Variants in SNAPC4 observed in about 807,000 individuals in gnomAD.
SNAPC4 encodes the protein snRNA-activating protein complex subunit 4.
Under a neutral mutation model 151.3 loss-of-function variants are expected in SNAPC4, and 127 were observed. That is an observed-to-expected ratio of 0.84 (90% confidence interval 0.73 to 0.97). The LOEUF is 0.97. Among genes scored for constraint, SNAPC4 ranks in the 50% least tolerant of loss-of-function variants. SNAPC4 has a pLI of 0.00. For synonymous variants in SNAPC4, 1,002 were observed against 824.4 expected, an observed-to-expected ratio of 1.22 and a Z score of -3.69; for missense variants, 2,186 against 1,935.0, an observed-to-expected ratio of 1.13 and a Z score of -2.43.
Position 136,394,346 on chromosome 9 carries a change from A to C in SNAPC4, c.551-16T>G. 1 of 1,607,674 alleles carries C rather than the reference A, an allele frequency of 6.2e-7. No individual in the cohort carries two copies. Among genetic ancestry groups the C allele is most frequent in the Non-Finnish European group, 8.5e-7 (1 of 1,174,578 alleles). Reference sequence around the variant, plus strand: ...CAGTTTTTCCCTGAGGAGAAGCCACAGCATCATCACTGGGGGTCTGGATCC... The same window carrying C: ...CAGTTTTTCCCTGAGGAGAAGCCACCGCATCATCACTGGGGGTCTGGATCC... On this transcript the variant is annotated splice_polypyrimidine_tract_variant and intron_variant, in intron 6 of 23. Transcript: ENST00000684778.
intron 10 of SNAPC4, among the ~76,000 whole-genome samples, chr9:136,391,552 CTGAGTCCT>C (rs1402007438): frequency 2.1e-5 from 3 of 143,472 alleles, no homozygotes; most frequent in Non-Finnish European, 4.7e-5. Flanking sequence ...CAGTAAAGAA[CTGAGTCCT>C]TACTCAGGAA....
At chr9:136,386,434 ATTTT>A (rs1022722686) in intron 13 of SNAPC4, among the ~76,000 whole-genome samples, 2 of 128,902 alleles carry the variant, frequency 1.6e-5, no homozygotes, top group South Asian at 2.4e-4. Flanking sequence ...TCTACACTTC[ATTTT>A]TTTTTTTTTT....
chr9:136,381,425 C>T, intron 18 of SNAPC4, 33 bp from the exon 19 acceptor site: 1 of 1,585,364 alleles, frequency 6.3e-7, no homozygotes, highest in African/African-American at 1.3e-5. Flanking sequence ...GGAAAGCAGC[C>T]CCAGCTCCCA....
At chr9:136,384,963 T>C (rs1440651120) in intron 13 of SNAPC4, 149 bp from the exon 14 acceptor site, 26 of 524,538 alleles carry the variant, frequency 5.0e-5, no homozygotes, top group Non-Finnish European at 7.7e-5. Flanking sequence ...CATCAAAAGC[T>C]AAAGCTTTTG....
rs767835205 is a variant in SNAPC4 at position 136,379,151 on chromosome 9, A to G, written c.2676T>C (p.Thr892=). 6.3e-7 allele frequency: 1 copy of G among 1,582,510 alleles called. No homozygotes were observed. The highest frequency in any genetic ancestry group is 1.1e-5 in the South Asian group (1 of 87,686). ...ASTGPRPKPK[T]VSELLQEKRL... ...GCTTCTCCTGAAGCAGCTCCGACAC[A>G]GTCTTGGGCTTGGGCCGGGGGCCGG... Residue 892 remains threonine, a synonymous_variant, in exon 22 of 24, where the codon ACT becomes ACC. Coordinates refer to ENST00000684778, the MANE Select transcript of SNAPC4 (RefSeq NM_003086.4).
rs776508628 is a variant in SNAPC4 at position 136,384,819 on chromosome 9, A to T, written c.1326-5T>A. ...AAATGTAATCTCCTGAGATACCTGAACGTGACATGAAAAGCAAAGAACGTT... is the reference window on the plus strand; with the variant it reads ...AAATGTAATCTCCTGAGATACCTGATCGTGACATGAAAAGCAAAGAACGTT... On this transcript the variant is annotated splice_region_variant and splice_polypyrimidine_tract_variant and intron_variant, in intron 13 of 23. Transcript: ENST00000684778. 7 of 1,544,060 alleles carry T rather than the reference A, an allele frequency of 4.5e-6. No individual in the cohort carries two copies. In the East Asian group the frequency reaches 1.6e-4, roughly 35 times the overall value.
Position 136,379,092 on chromosome 9 carries a change from C to A in SNAPC4, c.2735G>T (p.Arg912Leu). The change falls in exon 22 of 24, where the codon CGG becomes CTG. Residue 912 changes from arginine (R) to leucine (L), a missense_variant. Arg to Leu is a moderately radical substitution (Grantham distance 102, BLOSUM62 -2). Coordinates refer to ENST00000684778, the MANE Select transcript of SNAPC4 (RefSeq NM_003086.4). ...LQEARAREAT[R>L]GPVVLPSQLL... ...CTGGGACGGGAGCACCACCGGGCCC[C>A]GGGTGGCCTCCCTGGCACGGGCCTC... 6.4e-7 allele frequency: 1 copy of A among 1,563,780 alleles called. No homozygotes were observed. Among genetic ancestry groups the A allele is most frequent in the East Asian group, 2.3e-5 (1 of 43,522 alleles).
Position 136,383,629 on chromosome 9 carries a change from G to C in SNAPC4, c.1540C>G (p.His514Asp). ...GLRRRRRRAR[H>D]SVRWSSTSSS... is the part of the protein sequence containing the mutation. ...CTGGTAGAGCTCCACCGGACGCTGT[G>C]ACGGGCCCTCCGCCGCCGCCTCCGG... The change falls in exon 16 of 24, where the codon CAC becomes GAC. Residue 514 changes from histidine to aspartate, a missense_variant. His to Asp is a moderately conservative substitution (Grantham distance 81, BLOSUM62 -1). Coordinates refer to ENST00000684778, the MANE Select transcript of SNAPC4 (RefSeq NM_003086.4). The surrounding 1 kb of genome is among the most constrained non-coding windows in gnomAD (Gnocchi z 4.2). 1.2e-6 allele frequency: 2 copies of C among 1,610,804 alleles called. No individual in the cohort carries two copies. Among genetic ancestry groups the C allele is most frequent in the South Asian group, 1.1e-5 (1 of 90,962 alleles).
At position 136,384,873 on chromosome 9, in the gene SNAPC4, C is replaced by T. The variant is rs958492804; in HGVS notation, c.1326-59G>A. On this transcript the variant is annotated intron_variant, in intron 13 of 23. Coordinates refer to ENST00000684778, the MANE Select transcript of SNAPC4 (RefSeq NM_003086.4). ...GATGCCGAGACGCCGCCCGCTGCTG[C>T]CCCAAGCTTCTTTAATGGTTTCTTG... 100 of 884,714 alleles carry T rather than the reference C, an allele frequency of 1.1e-4. 1 individual carries two copies. The highest frequency in any genetic ancestry group is 1.6e-4 in the Non-Finnish European group (92 of 557,968). 54.8% of individuals were successfully genotyped at this position (884,714 alleles called of 1,614,324 possible).
At chr9:136,387,622 C>A (rs369484205) in intron 12 of SNAPC4, 43 bp from the exon 13 acceptor site, 3 of 1,471,182 alleles carry the variant, frequency 2.0e-6, no homozygotes, top group East Asian at 2.3e-5. Flanking sequence ...TCTGCAGGTA[C>A]GGCTGCAGCC....
chr9:136,381,477 G>A (rs1441711922), intron 18 of SNAPC4, 85 bp from the exon 19 acceptor site: 18 of 1,290,938 alleles, frequency 1.4e-5, no homozygotes, highest in South Asian at 3.6e-5. Context: ...CAGCTCCCAC[G>A]TGCCTTTCGA....
At chr9:136,384,621 C>T in intron 14 of SNAPC4, 99 bp downstream of exon 14, 1 of 637,090 alleles carries the variant, frequency 1.6e-6, no homozygotes, top group Non-Finnish European at 2.6e-6. Context: ...CGCACCCCAG[C>T]CTGGACGACA....
chr9:136,388,487 C>T lies in SNAPC4; in HGVS notation c.1080G>A (p.Leu360=), dbSNP rs371922341. The change falls in exon 11 of 24, where the codon CTG becomes CTA. Residue 360 remains leucine, a synonymous_variant. Coordinates refer to ENST00000684778, the MANE Select transcript of SNAPC4 (RefSeq NM_003086.4). ...GGCTGCCGACGCGCATCTCCTGCACCAGCTGCGTGAGCATGCGGTCCTCCT... is the reference window on the plus strand; with the variant it reads ...GGCTGCCGACGCGCATCTCCTGCACTAGCTGCGTGAGCATGCGGTCCTCCT... ...TEEEDRMLTQ[L]VQEMRVGSHI... 1.9e-6 allele frequency: 3 copies of T among 1,611,980 alleles called. No individual in the cohort carries two copies. The highest frequency in any genetic ancestry group is 1.7e-5 in the Admixed American group (1 of 59,756).
At position 136,378,524 on chromosome 9, in the gene SNAPC4, C is replaced by A; in HGVS notation, c.3303G>T (p.Gly1101=). Residue 1101 remains glycine (G), a synonymous_variant, in exon 22 of 24, where the codon GGG becomes GGT. Coordinates refer to ENST00000684778, the MANE Select transcript of SNAPC4 (RefSeq NM_003086.4). ...PAVVSLPRPA[G]TPGPAGLLAT... is the part of the protein sequence containing the mutation. Reference sequence around the variant, plus strand: ...CCAGCAGCCCTGCGGGGCCAGGGGTCCCTGCTGGCCTGGGAAGGCTCACCA... The same window carrying A: ...CCAGCAGCCCTGCGGGGCCAGGGGTACCTGCTGGCCTGGGAAGGCTCACCA... The A allele has an allele frequency of 1.3e-6, 2 of 1,591,514 alleles. No homozygotes were observed. The highest frequency in any genetic ancestry group is 1.1e-5 in the South Asian group (1 of 89,510).
Position 136,375,755 on chromosome 9 carries a change from C to A in SNAPC4, c.*53G>T. On this transcript the variant is annotated 3_prime_UTR_variant, in exon 24 of 24. Coordinates refer to ENST00000684778, the MANE Select transcript of SNAPC4 (RefSeq NM_003086.4). ...GCCTCTCTTGCAGGCTGGGGGTGGG[C>A]TGTCTCTCGTCAGCAGGGCCACGGG... 6.6e-6 allele frequency: 1 copy of A among 152,332 alleles called. No homozygotes were observed. The highest frequency in any genetic ancestry group is 1.5e-5 in the Non-Finnish European group (1 of 68,084). 9.4% of individuals were successfully genotyped at this position (152,332 alleles called of 1,614,324 possible). A position where few individuals can be genotyped will look rare whatever the true frequency, so the allele number is the denominator to read the frequency against.
At chr9:136,376,917 G>C (rs561553246) in intron 22 of SNAPC4, among the ~76,000 whole-genome samples, 1 of 152,318 alleles carries the variant, frequency 6.6e-6, no homozygotes, top group South Asian at 2.1e-4. Flanking sequence ...AGGCCCACAG[G>C]TCCAGCTGAG....
rs905340688 is a variant in SNAPC4, at chr9:136,378,868, G to C, written c.2959C>G (p.Leu987Val). Reference protein sequence around the residue: ...KDKRLSTMQALPLAPVFSEAE... With the variant: ...KDKRLSTMQAVPLAPVFSEAE... ...TCTGAGAAGACAGGAGCGAGGGGCA[G>C]GGCTTGCATGGTGGAGAGTCTCTTG... Residue 987 changes from leucine (L) to valine (V), a missense_variant, in exon 22 of 24, where the codon CTG (leucine) becomes GTG (valine). Transcript: ENST00000684778. 1 of 1,610,272 alleles carries C rather than the reference G, an allele frequency of 6.2e-7. No homozygotes were observed. Among genetic ancestry groups the C allele is most frequent in the Non-Finnish European group, 8.5e-7 (1 of 1,179,066 alleles).
intron 8 of SNAPC4, 32 bp from the exon 9 acceptor site, chr9:136,392,626 G>T: frequency 6.2e-7 from 1 of 1,613,384 alleles, no homozygotes; most frequent in Non-Finnish European, 8.5e-7. Context: ...TTGGCACCAC[G>T]CCTGGCTTGT....
chr9:136,381,222 A>AT, intron 19 of SNAPC4, 100 bp downstream of exon 19: 2 of 940,064 alleles, frequency 2.1e-6, no homozygotes, highest in South Asian at 2.8e-5. Flanking sequence ...AAAACTTTAG[A>AT]TAGCTAGACT....
Sources: allele counts gnomAD v4.1 joint callset (sites outside exome capture counted in the v4.1 genomes callset), GRCh38; gene constraint gnomAD v4.1.1; non-coding constraint Gnocchi (gnomAD v3.1); transcripts MANE v1.5; gene names NCBI Gene and HGNC (gene_info 2026-07-23, HGNC 2026-07-21).